The following SPON1 variants were observed in gnomAD, a reference collection of about 807,000 sequenced individuals.
SPON1 encodes the protein spondin 1.
Under a neutral mutation model 111.7 loss-of-function variants are expected in SPON1, and 52 were observed. The ratio of observed to expected loss-of-function variants is 0.47; its 90% confidence interval spans 0.37 to 0.59. The LOEUF (loss-of-function observed/expected upper bound fraction) is 0.59. SPON1 is among the 20% of genes least tolerant of loss of function. The pLI, the probability that SPON1 is intolerant of heterozygous loss-of-function variation, is 0.00. For missense variants in SPON1, 957 were observed against 1,068.5 expected (o/e 0.90, Z 1.46); for synonymous variants, 410 against 395.8 (o/e 1.04, Z -0.43).
At chr11:14,213,974 C>T (rs1554936941) in intron 6 of SPON1, among the ~76,000 whole-genome samples, 1 of 152,188 alleles carries the variant, frequency 6.6e-6, no homozygotes, top group Non-Finnish European at 1.5e-5. Context: ...TGTGTGCACA[C>T]AAGCACACAA....
chr11:14,075,466 A>T, intron 4 of SPON1, 48 bp downstream of exon 4: 1 of 1,347,450 alleles, frequency 7.4e-7, no homozygotes, highest in Non-Finnish European at 1.0e-6. Context: ...CATGGAAGGC[A>T]GCTCCTCCTG....
chr11:14,179,885 G>A (rs1591401721), intron 6 of SPON1, among the ~76,000 whole-genome samples: 2 of 151,802 alleles, frequency 1.3e-5, no homozygotes, highest in East Asian at 1.9e-4. Flanking sequence ...TCCCCTCCCC[G>A]CGTAAAAAGA....
rs566202380 is a variant in SPON1, at chr11:14,212,572, A to G, written c.826-30760A>G. On this transcript the variant is annotated intron_variant, in intron 6 of 15. Coordinates refer to ENST00000576479, the MANE Select transcript of SPON1 (RefSeq NM_006108.4). ...CATGTGACTTTAACCAAGTAACTTG[A>G]CTTCTATCATCATTTCCCTATAAAT... Among the ~76,000 whole-genome samples, 12 of 152,182 alleles carry G rather than the reference A, an allele frequency of 7.9e-5. No homozygotes were observed. The South Asian group carries it at 2.3e-3, about 29-fold the overall frequency.
chr11:14,105,393 C>T lies in SPON1; in HGVS notation c.676+25372C>T, dbSNP rs1006756624. 5.9e-5 allele frequency among the ~76,000 whole-genome samples: 9 copies of T among 152,228 alleles called. No individual in the cohort carries two copies. In the South Asian group the frequency reaches 1.9e-3, roughly 32 times the overall value. The stretch of plus-strand genomic sequence containing the variant: ...CTCTTTCTCTGTTAGTTACCTGTAG[C>T]ATCCAATTCTACATTTTACCTATAC... On this transcript the variant is annotated intron_variant, in intron 5 of 15. Coordinates refer to ENST00000576479, the MANE Select transcript of SPON1 (RefSeq NM_006108.4).
intron 6 of SPON1, among the ~76,000 whole-genome samples, chr11:14,172,438 CTT>C (rs1172631308): frequency 3.3e-5 from 5 of 151,594 alleles, no homozygotes; most frequent in African/African-American, 4.8e-5. Flanking sequence ...GGTCTTGACT[CTT>C]TATCCAATTT....
intron 2 of SPON1, among the ~76,000 whole-genome samples, chr11:14,037,207 C>T (rs940540942): frequency 6.6e-6 from 1 of 151,756 alleles, no homozygotes; most frequent in African/African-American, 2.4e-5. Context: ...GTGTGCTGCA[C>T]CCATTAACTC....
At chr11:14,054,774 C>G (rs76103016) in intron 3 of SPON1, among the ~76,000 whole-genome samples, 3,635 of 152,268 alleles carry the variant, frequency 0.024, 76 homozygotes, top group Non-Finnish European at 0.033. Context: ...ATCAGGAAAC[C>G]AGCGAGAGCA....
intron 2 of SPON1, among the ~76,000 whole-genome samples, chr11:14,012,753 CT>C (rs1338144300): frequency 6.6e-6 from 1 of 152,092 alleles, no homozygotes; most frequent in African/African-American, 2.4e-5. Flanking sequence ...ATTTCTGCCT[CT>C]TTGTCTCCCT....
At chr11:13,998,638 T>G (rs1848292663) in intron 2 of SPON1, among the ~76,000 whole-genome samples, 1 of 152,186 alleles carries the variant, frequency 6.6e-6, no homozygotes, top group Non-Finnish European at 1.5e-5. Context: ...AACTGGGCCA[T>G]GTCTGTCTCT....
At chr11:14,145,014 G>T (rs1847702231) in intron 6 of SPON1, among the ~76,000 whole-genome samples, 1 of 152,122 alleles carries the variant, frequency 6.6e-6, no homozygotes, top group South Asian at 2.1e-4. Flanking sequence ...GGGCACTTGT[G>T]GTTGGTAGAA....
intron 2 of SPON1, among the ~76,000 whole-genome samples, chr11:14,019,338 A>G (rs1044125833): frequency 3.3e-5 from 5 of 151,298 alleles, no homozygotes; most frequent in African/African-American, 1.2e-4. Context: ...TAAATTTTAC[A>G]TAAAATTATG....
chr11:14,075,402 G>A lies in SPON1; in HGVS notation c.537G>A (p.Lys179=). The change falls in exon 4 of 16, where the codon AAG becomes AAA. Residue 179 remains lysine, a synonymous_variant. Coordinates refer to ENST00000576479, the MANE Select transcript of SPON1 (RefSeq NM_006108.4). ...IYFQDEGSLT[K]KLCEQDSTFD... Reference sequence around the variant, plus strand: ...TTCAAGATGAGGGCTCTCTGACCAAGAAACTTTGTGAACAAGGTAAGACCC... The same window carrying A: ...TTCAAGATGAGGGCTCTCTGACCAAAAAACTTTGTGAACAAGGTAAGACCC... 1 of 1,557,820 alleles carries A rather than the reference G, an allele frequency of 6.4e-7. No individual in the cohort carries two copies. Among genetic ancestry groups the A allele is most frequent in the Non-Finnish European group, 8.7e-7 (1 of 1,149,832 alleles).
intron 6 of SPON1, among the ~76,000 whole-genome samples, chr11:14,195,645 A>G (rs1225284965): frequency 3.9e-5 from 6 of 152,346 alleles, no homozygotes; most frequent in African/African-American, 1.4e-4. Flanking sequence ...TGCAGGTTTT[A>G]GTGGGCAGTG....
intron 6 of SPON1, among the ~76,000 whole-genome samples, chr11:14,154,689 C>T (rs1847823319): frequency 6.6e-6 from 1 of 152,216 alleles, no homozygotes; most frequent in Non-Finnish European, 1.5e-5. Context: ...CTGCAGCAGG[C>T]TTGAATTCTT....
At chr11:13,967,170 G>T (rs1206046524) in intron 1 of SPON1, among the ~76,000 whole-genome samples, 1 of 152,164 alleles carries the variant, frequency 6.6e-6, no homozygotes, top group African/African-American at 2.4e-5. Flanking sequence ...AGGTCTGTCT[G>T]ACTCCTAAAT....
intron 2 of SPON1, among the ~76,000 whole-genome samples, chr11:14,017,801 G>T (rs953449474): frequency 1.3e-4 from 20 of 152,194 alleles, no homozygotes; most frequent in African/African-American, 2.2e-4. Flanking sequence ...TGTTGGATTT[G>T]CTGGGACTAC....
chr11:14,148,036 C>G (rs889702404), intron 6 of SPON1, among the ~76,000 whole-genome samples: 1 of 151,918 alleles, frequency 6.6e-6, no homozygotes, highest in Admixed American at 6.6e-5. Flanking sequence ...CCTTTCTACA[C>G]TGGAGAGCGC....
chr11:14,168,675 C>T (rs1005303557), intron 6 of SPON1, among the ~76,000 whole-genome samples: 12 of 149,890 alleles, frequency 8.0e-5, no homozygotes, highest in East Asian at 5.9e-4. Flanking sequence ...CAACAGGCCC[C>T]GGTGTGTGAT....
At chr11:13,985,650 T>C (rs1848176553) in intron 2 of SPON1, among the ~76,000 whole-genome samples, 2 of 152,082 alleles carry the variant, frequency 1.3e-5, no homozygotes. Context: ...AGGTGCTTTA[T>C]ATGCATTAGC....
Sources: gnomAD v4.1 joint callset for allele counts (sites outside exome capture counted in the v4.1 genomes callset) on GRCh38, gnomAD v4.1.1 for gene constraint, MANE v1.5 for transcripts, NCBI Gene and HGNC (gene_info 2026-07-23, HGNC 2026-07-21) for gene names.